LMF1: variants seen among roughly 807,000 people sequenced by gnomAD.
LMF1 encodes transmembrane protein 112.
In LMF1, 68 loss-of-function variants were observed where a neutral mutation model predicts 60.6. The ratio of observed to expected loss-of-function variants is 1.12; its 90% CI spans 0.92 to 1.37. The LOEUF (loss-of-function observed/expected upper bound fraction) is 1.37. Ranked by LOEUF, LMF1 falls within the 40% of genes most tolerant of loss-of-function variation. LMF1 has a pLI of 0.00. For synonymous variants in LMF1, 418 were observed against 324.7 expected (o/e 1.29, Z -3.09); for missense variants, 948 against 767.2 (o/e 1.24, Z -2.78).
chr16:937,474 C>CGCTGGGGTCTCTGTTGACTGACAGGCT lies in LMF1; in HGVS notation c.504-3247_504-3221dup, dbSNP rs1413347545. The stretch of plus-strand genomic sequence containing the variant: ...GAGCCTCCACACCTGACTGACAGGC[C>CGCTGGGGTCTCTGTTGACTGACAGGCT]GCTGGGGTCTCTGTTGACTGACAGG... On this transcript the variant is annotated intron_variant, in intron 2 of 10. Coordinates refer to ENST00000262301, the MANE Select transcript of LMF1 (RefSeq NM_022773.4). Among the ~76,000 whole-genome samples, 15 of 151,346 alleles carry CGCTGGGGTCTCTGTTGACTGACAGGCT rather than the reference C, an allele frequency of 9.9e-5. No individual in the cohort carries two copies. The East Asian group carries it at 2.7e-3, about 27-fold the overall frequency.
In LMF1 at chr16:889,021, C is replaced by G. The variant is rs551244064; in HGVS notation, c.729+3986G>C. On this transcript the variant is annotated intron_variant, in intron 5 of 10. Coordinates refer to ENST00000262301, the MANE Select transcript of LMF1 (RefSeq NM_022773.4). ...CCTCTGCCGGCTGAGAGCAAGCGGC[C>G]GTCCATGCATCCCCGGTGTCTCATG... Among the ~76,000 whole-genome samples the G allele has an allele frequency of 1.8e-3, 269 of 152,342 alleles. 2 individuals carry two copies. The highest frequency in any genetic ancestry group is 5.8e-3 in the African/African-American group (243 of 41,582).
chr16:883,101 G>C (rs2070211596), intron 5 of LMF1, among the ~76,000 whole-genome samples: 1 of 150,412 alleles, frequency 6.6e-6, no homozygotes, highest in Non-Finnish European at 1.5e-5. Context: ...CCAGGAGAAA[G>C]AGGAGCCACC....
chr16:871,277 G>T lies in LMF1; in HGVS notation c.962C>A (p.Ala321Asp), dbSNP rs768541252. 6.2e-7 allele frequency: 1 copy of T among 1,612,568 alleles called. No individual in the cohort carries two copies. Among genetic ancestry groups the T allele is most frequent in the Non-Finnish European group, 8.5e-7 (1 of 1,179,814 alleles). Residue 321 changes from alanine (A) to aspartate (D), a missense_variant, in exon 7 of 11, where the codon GCC (alanine) becomes GAC (aspartate). Transcript: ENST00000262301. ...TCCCAGGGTGGCGTCATCAAAGCAG[G>T]CCAGGCTGGGCACCATAGTCAGCCA... ...LNWLTMVPSL[A>D]CFDDATLGFL...
Position 874,961 on chromosome 16 carries a change from C to T in LMF1, c.898-3620G>A, listed in dbSNP as rs565208293. ...GCAAAAGCCCTAGTTCAAGACCCCACACTGCCTGTGAGGGGGCAGGATACA... is the reference window on the plus strand; with the variant it reads ...GCAAAAGCCCTAGTTCAAGACCCCATACTGCCTGTGAGGGGGCAGGATACA... On this transcript the variant is annotated intron_variant, in intron 6 of 10. Transcript: ENST00000262301. The surrounding 1 kb of genome is among the most constrained non-coding windows in gnomAD (Gnocchi z 4.1). Among the ~76,000 whole-genome samples the T allele has an allele frequency of 9.2e-5, 14 of 152,188 alleles. No individual in the cohort carries two copies. Among genetic ancestry groups the T allele is most frequent in the Non-Finnish European group, 2.1e-4 (14 of 68,020 alleles).
chr16:921,583 A>C (rs2071432813), intron 3 of LMF1, among the ~76,000 whole-genome samples: 1 of 152,198 alleles, frequency 6.6e-6, no homozygotes, highest in African/African-American at 2.4e-5. Flanking sequence ...GGATGACGGG[A>C]CTTTCTGGGG....
intron 2 of LMF1, among the ~76,000 whole-genome samples, chr16:937,817 G>A (rs1236830368): frequency 6.6e-6 from 1 of 152,220 alleles, no homozygotes; most frequent in Non-Finnish European, 1.5e-5. Context: ...TTCTGGCCTA[G>A]TGCAAAGAAC....
intron 3 of LMF1, among the ~76,000 whole-genome samples, chr16:929,510 GC>G (rs1243997873): frequency 1.3e-5 from 2 of 152,244 alleles, no homozygotes. Context: ...ACCCGCTGCT[GC>G]GGGTCCTCTC....
At chr16:931,928 A>G (rs977968115) in intron 3 of LMF1, 1 of 720,614 alleles carries the variant, frequency 1.4e-6, no homozygotes. Flanking sequence ...GTTAGAATGT[A>G]TGACGCTCAC....
chr16:876,877 CGA>C (rs796676254), intron 6 of LMF1, among the ~76,000 whole-genome samples: 1 of 151,956 alleles, frequency 6.6e-6, no homozygotes, highest in African/African-American at 2.4e-5. Context: ...CAGAAAAAAA[CGA>C]GAGAGAAAGA....
chr16:936,617 G>C (rs2071955397), intron 2 of LMF1, among the ~76,000 whole-genome samples: 2 of 152,292 alleles, frequency 1.3e-5, no homozygotes, highest in Admixed American at 1.3e-4. Context: ...GGGAGGGAGA[G>C]AGGGCACTCT....
At chr16:889,694 G>A (rs2070420691) in intron 5 of LMF1, among the ~76,000 whole-genome samples, 2 of 152,176 alleles carry the variant, frequency 1.3e-5, no homozygotes, top group Non-Finnish European at 1.5e-5. Flanking sequence ...CAATGCTGTG[G>A]GGCAGAGGGC....
At chr16:955,085 C>T (rs2072650391) in intron 1 of LMF1, among the ~76,000 whole-genome samples, 1 of 150,542 alleles carries the variant, frequency 6.6e-6, no homozygotes, top group Non-Finnish European at 1.5e-5. Flanking sequence ...TGCGTGCCCG[C>T]AGCAGACGCG....
intron 6 of LMF1, 26 bp from the exon 7 acceptor site, chr16:871,367 C>T (rs756539418): frequency 1.5e-5 from 24 of 1,607,236 alleles, no homozygotes; most frequent in East Asian, 4.5e-5. Flanking sequence ...AGCTGAGTCT[C>T]GTGCAGGGGC....
chr16:958,835 C>T (rs1567324044), intron 1 of LMF1, among the ~76,000 whole-genome samples: 1 of 151,744 alleles, frequency 6.6e-6, no homozygotes, highest in Non-Finnish European at 1.5e-5. Flanking sequence ...TGGAGTGAGC[C>T]GACACAGCGC....
intron 10 of LMF1, among the ~76,000 whole-genome samples, chr16:857,143 C>G (rs989508349): frequency 2.0e-5 from 3 of 152,210 alleles, no homozygotes; most frequent in Non-Finnish European, 1.5e-5. Flanking sequence ...GTGAGTGCAC[C>G]CTAGTTTGTG....
rs2069694684 is a variant in LMF1 at position 869,005 on chromosome 16, T to G, written c.1468A>C (p.Ser490Arg). ...IIHLAGKLLA[S>R]DAEALSLLAH... ...AGCAGGGACAAGGCCTCGGCGTCGC[T>G]GGCCAGGAGCTTGCCAGCCAGGTGG... is the stretch of plus-strand genomic sequence containing the variant. Residue 490 changes from serine to arginine, a missense_variant, in exon 10 of 11, where the codon AGC (serine) becomes CGC (arginine). Ser to Arg is a moderately radical substitution (Grantham distance 110). Coordinates refer to ENST00000262301, the MANE Select transcript of LMF1 (RefSeq NM_022773.4). 1 of 1,612,536 alleles carries G rather than the reference T, an allele frequency of 6.2e-7. No homozygotes were observed.
chr16:898,787 A>G (rs2070731390), intron 4 of LMF1, among the ~76,000 whole-genome samples: 1 of 152,224 alleles, frequency 6.6e-6, no homozygotes, highest in Non-Finnish European at 1.5e-5. Flanking sequence ...ATACCATGTA[A>G]ATTCCTCTTG....
intron 3 of LMF1, among the ~76,000 whole-genome samples, chr16:926,701 C>T (rs913630165): frequency 2.0e-5 from 3 of 152,370 alleles, no homozygotes; most frequent in Non-Finnish European, 4.4e-5. Context: ...CCCGGCACCA[C>T]GGCCCACACC....
At chr16:943,726 C>CAAAAAAAAAAAAAAAAAAA in intron 2 of LMF1, among the ~76,000 whole-genome samples, 1 of 56,840 alleles carries the variant, frequency 1.8e-5, no homozygotes, top group Non-Finnish European at 3.3e-5. Context: ...GACTCTGTCT[C>CAAAAAAAAAAAAAAAAAAA]AAAAAAAAAA....
Sources: gnomAD v4.1 joint callset for allele counts (sites outside exome capture counted in the v4.1 genomes callset) on GRCh38, gnomAD v4.1.1 for gene constraint, Gnocchi (gnomAD v3.1) non-coding constraint, MANE v1.5 for transcripts, NCBI Gene and HGNC (gene_info 2026-07-23, HGNC 2026-07-21) for gene names.